The following RAD51B variants were observed in gnomAD, a reference collection of about 807,000 sequenced individuals.
RAD51B encodes the protein DNA repair protein RAD51 homolog 2.
A neutral mutation model predicts 42.2 loss-of-function variants in RAD51B; 38 were observed. The observed-to-expected ratio is 0.90, with a 90% CI of 0.70 to 1.18. The LOEUF (loss-of-function observed/expected upper bound fraction) is 1.18, where lower values mean the gene tolerates loss of function less well. Ranked by LOEUF, RAD51B falls within the 50% of genes most tolerant of loss-of-function variation. The pLI, the probability that RAD51B is intolerant of heterozygous loss-of-function variation, is 0.00. For synonymous variants in RAD51B, 154 were observed against 145.2 expected (o/e 1.06, Z -0.43); for missense variants, 373 against 400.7 (o/e 0.93, Z 0.59).
At chr14:68,628,599 G>C (rs1892151336) in intron 10 of RAD51B, among the ~76,000 whole-genome samples, 1 of 152,202 alleles carries the variant, frequency 6.6e-6, no homozygotes, top group Admixed American at 6.5e-5. Context: ...AGCGAGGGGC[G>C]AAGGGGGCTG....
At chr14:68,659,732 G>A (rs925522448) in intron 11 of RAD51B, among the ~76,000 whole-genome samples, 7 of 152,216 alleles carry the variant, frequency 4.6e-5, no homozygotes, top group African/African-American at 1.2e-4. Context: ...ACACATGGAC[G>A]GCAGCTGCTG....
intron 7 of RAD51B, among the ~76,000 whole-genome samples, chr14:68,189,017 A>C (rs943578006): frequency 2.0e-5 from 3 of 151,812 alleles, no homozygotes; most frequent in African/African-American, 7.3e-5. Flanking sequence ...CTCTACTTCT[A>C]TTGTAGTGGT....
intron 7 of RAD51B, among the ~76,000 whole-genome samples, chr14:68,202,573 CTTTTTTTTTTTTTT>C (rs145298493): frequency 1.2e-5 from 1 of 81,612 alleles, no homozygotes; most frequent in East Asian, 3.9e-4. Context: ...GAAGCAACGT[CTTTTTTTTTTTTTT>C]TTTTTTTTTT....
intron 7 of RAD51B, among the ~76,000 whole-genome samples, chr14:68,251,488 T>C (rs1348787352): frequency 6.6e-6 from 1 of 152,226 alleles, no homozygotes; most frequent in African/African-American, 2.4e-5. Flanking sequence ...TGAAGGAATG[T>C]GGAGGAGTTG....
At chr14:68,010,754 A>G (rs1352816912) in intron 7 of RAD51B, among the ~76,000 whole-genome samples, 5 of 151,868 alleles carry the variant, frequency 3.3e-5, no homozygotes, top group Non-Finnish European at 5.9e-5. Context: ...AGAAAGGTAG[A>G]ATTTAGTAGA....
At chr14:68,165,153 G>A (rs1184783430) in intron 7 of RAD51B, among the ~76,000 whole-genome samples, 2 of 152,054 alleles carry the variant, frequency 1.3e-5, no homozygotes, top group East Asian at 1.9e-4. Flanking sequence ...GGAGTAAAAC[G>A]GAGGGTTGTT....
chr14:68,611,832 C>T (rs1891691463), downstream of RAD51B, among the ~76,000 whole-genome samples: 1 of 152,186 alleles, frequency 6.6e-6, no homozygotes, highest in African/African-American at 2.4e-5. Flanking sequence ...GTTTGCTTTC[C>T]AGTCTCCTTG....
downstream of RAD51B, among the ~76,000 whole-genome samples, chr14:68,614,839 G>T (rs540115504): frequency 6.6e-6 from 1 of 152,330 alleles, no homozygotes; most frequent in South Asian, 2.1e-4. Context: ...TACAGTGTGT[G>T]TGGACATGGA....
chr14:67,962,163 C>T (rs1238716052), intron 7 of RAD51B, among the ~76,000 whole-genome samples: 1 of 152,060 alleles, frequency 6.6e-6, no homozygotes, highest in African/African-American at 2.4e-5. Context: ...GGAATAATCA[C>T]GGTAAACACA....
chr14:68,080,005 A>G (rs1470035167), intron 7 of RAD51B, among the ~76,000 whole-genome samples: 3 of 152,346 alleles, frequency 2.0e-5, no homozygotes, highest in African/African-American at 7.2e-5. Flanking sequence ...ATAGTTCACA[A>G]ATTTCCTGGA....
chr14:67,999,536 C>T (rs1566567928), intron 7 of RAD51B, among the ~76,000 whole-genome samples: 1 of 152,192 alleles, frequency 6.6e-6, no homozygotes, highest in East Asian at 1.9e-4. Flanking sequence ...AGGCCATAGA[C>T]TTTGAAATCA....
intron 7 of RAD51B, among the ~76,000 whole-genome samples, chr14:67,944,945 G>T (rs1221413011): frequency 6.6e-6 from 1 of 152,084 alleles, no homozygotes; most frequent in Non-Finnish European, 1.5e-5. Flanking sequence ...TGTGATTGTT[G>T]GATAAGCCAG....
chr14:68,360,642 A>G (rs906041657), intron 8 of RAD51B, among the ~76,000 whole-genome samples: 1 of 152,230 alleles, frequency 6.6e-6, no homozygotes, highest in African/African-American at 2.4e-5. Flanking sequence ...GGTGGGGTGG[A>G]AAGATGTGAT....
intron 7 of RAD51B, among the ~76,000 whole-genome samples, chr14:68,048,737 G>A (rs1184506305): frequency 6.6e-6 from 1 of 152,196 alleles, no homozygotes; most frequent in Non-Finnish European, 1.5e-5. Context: ...TGGAGAAATA[G>A]GAACACTTTT....
At chr14:67,829,771 C>G (rs2040968837) in intron 3 of RAD51B, among the ~76,000 whole-genome samples, 1 of 152,064 alleles carries the variant, frequency 6.6e-6, no homozygotes, top group Non-Finnish European at 1.5e-5. Context: ...TTTATACAGT[C>G]CAGCCCTCTT....
chr14:68,286,521 A>G (rs2081417016), intron 7 of RAD51B, among the ~76,000 whole-genome samples: 1 of 152,134 alleles, frequency 6.6e-6, no homozygotes, highest in East Asian at 1.9e-4. Flanking sequence ...AGCTGTTTCT[A>G]TCAAAGGCTG....
intron 10 of RAD51B, among the ~76,000 whole-genome samples, chr14:68,557,525 G>A (rs965540271): frequency 3.9e-5 from 6 of 152,250 alleles, no homozygotes; most frequent in Admixed American, 1.3e-4. Context: ...GGACTCAAGA[G>A]TAGAATTCCT....
chr14:68,603,719 G>T (rs929998656), intron 10 of RAD51B, among the ~76,000 whole-genome samples: 2 of 152,220 alleles, frequency 1.3e-5, no homozygotes, highest in Admixed American at 6.5e-5. Flanking sequence ...CACTTGGGGA[G>T]TTAATGATTA....
At chr14:68,479,584 CCTGA>C (rs1272876478), downstream of RAD51B, among the ~76,000 whole-genome samples, 3 of 152,106 alleles carry the variant, frequency 2.0e-5, no homozygotes, top group African/African-American at 7.2e-5. Context: ...CATACTTCTG[CCTGA>C]CTGTCTACTC....
Sources: allele counts gnomAD v4.1 joint callset (sites outside exome capture counted in the v4.1 genomes callset), GRCh38; gene constraint gnomAD v4.1.1; transcripts MANE v1.5; gene names NCBI Gene and HGNC (gene_info 2026-07-23, HGNC 2026-07-21).